STX4: variants seen among roughly 807,000 people sequenced by gnomAD.
STX4 encodes syntaxin-4.
STX4 carries 24 observed loss-of-function variants against 41.8 expected under a neutral mutation model. The ratio of observed to expected loss-of-function variants is 0.57; its 90% CI spans 0.42 to 0.81. The LOEUF (loss-of-function observed/expected upper bound fraction) is 0.81. Among genes scored for constraint, STX4 ranks in the 30% least tolerant of loss-of-function variants. The pLI, the probability that STX4 is intolerant of heterozygous loss-of-function variation, is 0.00. For missense variants in STX4, 316 were observed against 389.9 expected (o/e 0.81, Z 1.60); for synonymous variants, 158 against 156.4 (o/e 1.01, Z -0.08).
At chr16:31,034,889 T>G in intron 4 of STX4, 81 bp from the exon 5 acceptor site, 4 of 1,266,122 alleles carry the variant, frequency 3.2e-6, no homozygotes, top group Non-Finnish European at 4.4e-6. Flanking sequence ...AGGCTCAGCC[T>G]TAGTCATTTT....
intron 5 of STX4, among the ~76,000 whole-genome samples, chr16:31,036,753 C>T (rs1021507650): frequency 7.9e-5 from 12 of 152,086 alleles, no homozygotes; most frequent in African/African-American, 2.9e-4. Context: ...AAGGTAACAT[C>T]TGAACAAGAG....
rs530750662 is a variant in STX4 at position 31,036,702 on chromosome 16, T to C, written c.379-1224T>C. 6.6e-5 allele frequency among the ~76,000 whole-genome samples: 10 copies of C among 151,516 alleles called. No individual in the cohort carries two copies. The South Asian group carries it at 2.1e-3, about 32-fold the overall frequency. ...GAGGGACTAAGCATGCTGGAGGAGG[T>C]AGAGTTGCAGTTGAAAGCAGGTGGA... On this transcript the variant is annotated intron_variant, in intron 5 of 10. Coordinates refer to ENST00000313843, the MANE Select transcript of STX4 (RefSeq NM_004604.5).
Position 31,034,458 on chromosome 16 carries a change from T to C in STX4, c.233-4T>C. The C allele has an allele frequency of 6.2e-7, 1 of 1,601,870 alleles. No homozygotes were observed. Among genetic ancestry groups the C allele is most frequent in the Non-Finnish European group, 8.5e-7 (1 of 1,172,442 alleles). ...TTTGGGAGTCTTGGCCTTCTCTTAT[T>C]CAGGCATGAAGCAGGAGCTGCAGAA... On this transcript the variant is annotated splice_polypyrimidine_tract_variant and splice_region_variant and intron_variant, in intron 3 of 10. Transcript: ENST00000313843.
intron 5 of STX4, 118 bp from the exon 6 acceptor site, chr16:31,037,808 A>G: frequency 1.0e-6 from 1 of 952,414 alleles, no homozygotes; most frequent in Non-Finnish European, 1.6e-6. Flanking sequence ...AAGGTGGTTA[A>G]GGTGGCAGAT....
chr16:31,033,973 C>G lies in STX4; in HGVS notation c.31-40C>G, dbSNP rs1192478565. The stretch of plus-strand genomic sequence containing the variant: ...CCTGTGGGTCCTGCGGGGTAAGAGC[C>G]GCAGCGAAACGGTGGTGCCAATGAC... On this transcript the variant is annotated intron_variant, in intron 1 of 10. Coordinates refer to ENST00000313843, the MANE Select transcript of STX4 (RefSeq NM_004604.5). This position sits in a 1 kb window ranked among gnomAD's most constrained non-coding sequence, Gnocchi z 5.5. 1 of 1,525,120 alleles carries G rather than the reference C, an allele frequency of 6.6e-7. No homozygotes were observed. The highest frequency in any genetic ancestry group is 8.8e-7 in the Non-Finnish European group (1 of 1,133,056). 94.5% of individuals were successfully genotyped at this position (1,525,120 alleles called of 1,614,324 possible).
Position 31,033,588 on chromosome 16 carries a change from A to G in STX4, c.-218A>G. On this transcript the variant is annotated 5_prime_UTR_variant, in exon 1 of 11. Coordinates refer to ENST00000313843, the MANE Select transcript of STX4 (RefSeq NM_004604.5). This position sits in a 1 kb window ranked among gnomAD's most constrained non-coding sequence, Gnocchi z 5.5. ...GGCTGCGGGAGCTGGAGCGGGGAAGAAAAGGGAATTCCAACCTGTGGAACC... is the reference window on the plus strand; with the variant it reads ...GGCTGCGGGAGCTGGAGCGGGGAAGGAAAGGGAATTCCAACCTGTGGAACC... 6.5e-7 allele frequency: 1 copy of G among 1,528,770 alleles called. No homozygotes were observed. The highest frequency in any genetic ancestry group is 8.8e-7 in the Non-Finnish European group (1 of 1,135,944). 94.7% of individuals were successfully genotyped at this position (1,528,770 alleles called of 1,614,324 possible). A position where few individuals can be genotyped will look rare whatever the true frequency, so the allele number is the denominator to read the frequency against.
chr16:31,034,672 C>G (rs927621809), intron 4 of STX4, 136 bp downstream of exon 4: 1 of 1,034,602 alleles, frequency 9.7e-7, no homozygotes, highest in African/African-American at 1.6e-5. Flanking sequence ...CATCTGTCTC[C>G]TGGCCTCCAG....
chr16:31,038,103 T>A lies in STX4; in HGVS notation c.488-11T>A, dbSNP rs759906042. Reference sequence around the variant, plus strand: ...CCAACCCAACCCTGAGCCTGGCCTTTTCCTTCACAGCCAATGCTGGGATGG... The same window carrying A: ...CCAACCCAACCCTGAGCCTGGCCTTATCCTTCACAGCCAATGCTGGGATGG... On this transcript the variant is annotated splice_polypyrimidine_tract_variant and intron_variant, in intron 6 of 10. Transcript: ENST00000313843. 3 of 1,614,196 alleles carry A rather than the reference T, an allele frequency of 1.9e-6. No homozygotes were observed. The highest frequency in any genetic ancestry group is 2.5e-6 in the Non-Finnish European group (3 of 1,180,026).
rs146298882 is a variant in STX4 at position 31,034,072 on chromosome 16, C to T, written c.90C>T (p.Gly30=). 217 of 1,610,194 alleles carry T rather than the reference C, an allele frequency of 1.3e-4. No individual in the cohort carries two copies. The African/African-American group carries it at 2.5e-3, about 18-fold the overall frequency. The part of the protein sequence containing the change: ...KERVALVVHP[G]TARLGSPDEE... ...GGGTCGCGCTGGTGGTGCACCCGGGCACGGCACGGCTGGGGAGCCCGGACG... is the reference window on the plus strand; with the variant it reads ...GGGTCGCGCTGGTGGTGCACCCGGGTACGGCACGGCTGGGGAGCCCGGACG... The change falls in exon 2 of 11, where the codon GGC becomes GGT. Residue 30 remains glycine (G), a synonymous_variant. Transcript: ENST00000313843.
intron 5 of STX4, 81 bp downstream of exon 5, chr16:31,035,121 C>A: frequency 8.8e-7 from 1 of 1,138,744 alleles, no homozygotes; most frequent in Non-Finnish European, 1.2e-6. Context: ...GAAGGAAGGG[C>A]CTGCAGAGAT....
chr16:31,038,539 G>A lies in STX4; in HGVS notation c.594G>A (p.Gln198=), dbSNP rs1161462652. The part of the protein sequence containing the change: ...NILKDTQVTR[Q]ALNEISARHS... Reference sequence around the variant, plus strand: ...TGAAGGACACGCAGGTGACTCGACAGGCCTTAAATGAGATCTCGGCCCGGC... The same window carrying A: ...TGAAGGACACGCAGGTGACTCGACAAGCCTTAAATGAGATCTCGGCCCGGC... Residue 198 remains glutamine, a synonymous_variant, in exon 8 of 11, where the codon CAG becomes CAA. Coordinates refer to ENST00000313843, the MANE Select transcript of STX4 (RefSeq NM_004604.5). 4.3e-6 allele frequency: 7 copies of A among 1,614,146 alleles called. No homozygotes were observed. Among genetic ancestry groups the A allele is most frequent in the Non-Finnish European group, 5.9e-6 (7 of 1,180,030 alleles).
In STX4 at chr16:31,034,550, A is replaced by C; in HGVS notation, c.307+14A>C. The C allele has an allele frequency of 1.9e-6, 3 of 1,566,032 alleles. No individual in the cohort carries two copies. Among genetic ancestry groups the C allele is most frequent in the Non-Finnish European group, 2.6e-6 (3 of 1,156,070 alleles). On this transcript the variant is annotated intron_variant, in intron 4 of 10. Transcript: ENST00000313843. ...TGCAGCTGAAGGGTGAGCTCCTGGGACCTCAGACAGATCCTTCCCTCTGAT... is the reference window on the plus strand; with the variant it reads ...TGCAGCTGAAGGGTGAGCTCCTGGGCCCTCAGACAGATCCTTCCCTCTGAT...
At position 31,039,507 on chromosome 16, in the gene STX4, C is replaced by G; in HGVS notation, c.703-34C>G. 6.2e-7 allele frequency: 1 copy of G among 1,603,804 alleles called. No homozygotes were observed. The highest frequency in any genetic ancestry group is 8.5e-7 in the Non-Finnish European group (1 of 1,172,234). ...CTGGGGTGGGGTGGGCAAAGGCATC[C>G]TTACCTCCCTGAACCACCCCATCCT... On this transcript the variant is annotated intron_variant, in intron 8 of 10. Transcript: ENST00000313843. The surrounding 1 kb of genome is among the most constrained non-coding windows in gnomAD (Gnocchi z 4.1).
chr16:31,034,578 T>C, intron 4 of STX4, 42 bp downstream of exon 4: 2 of 1,512,124 alleles, frequency 1.3e-6, no homozygotes, highest in Non-Finnish European at 1.8e-6. Context: ...CCTCTGATCC[T>C]GCCCTGTTGT....
intron 8 of STX4, 47 bp downstream of exon 8, chr16:31,038,694 A>G (rs766472841): frequency 6.2e-7 from 1 of 1,603,044 alleles, no homozygotes; most frequent in Non-Finnish European, 8.5e-7. Context: ...CTCAGTCCAA[A>G]CTGCCAGCCT....
chr16:31,036,100 G>A (rs1424729496), intron 5 of STX4, among the ~76,000 whole-genome samples: 1 of 152,066 alleles, frequency 6.6e-6, no homozygotes, highest in Admixed American at 6.6e-5. Flanking sequence ...ATCTTAGTAA[G>A]GAGATTTGCA....
At chr16:31,035,789 A>G in intron 5 of STX4, 1 of 151,754 alleles carries the variant, frequency 6.6e-6, no homozygotes, top group Admixed American at 6.6e-5. Flanking sequence ...TTTAATTATT[A>G]TTATTTTTTT....
In STX4 at chr16:31,033,568, C is replaced by T. The variant is rs761356679; in HGVS notation, c.-238C>T. ...TCACGGAGGGGCGGGGCTGAGGCTG[C>T]GGGAGCTGGAGCGGGGAAGAAAAGG... On this transcript the variant is annotated 5_prime_UTR_variant, in exon 1 of 11. Coordinates refer to ENST00000313843, the MANE Select transcript of STX4 (RefSeq NM_004604.5). This position sits in a 1 kb window ranked among gnomAD's most constrained non-coding sequence, Gnocchi z 5.5. The T allele has an allele frequency of 1.2e-5, 18 of 1,542,912 alleles. No individual in the cohort carries two copies. Among genetic ancestry groups the T allele is most frequent in the Admixed American group, 2.0e-5 (1 of 50,390 alleles).
rs111233739 is a variant in STX4, at chr16:31,038,460, T to C, written c.565-50T>C. The C allele has an allele frequency of 4.3e-5, 69 of 1,605,458 alleles. 1 individual carries two copies. The African/African-American group carries it at 4.5e-4, about 11-fold the overall frequency. On this transcript the variant is annotated intron_variant, in intron 7 of 10. Coordinates refer to ENST00000313843, the MANE Select transcript of STX4 (RefSeq NM_004604.5). Reference sequence around the variant, plus strand: ...AGAAGCTCAACAGGAGTTTCTGACCTGCTGTCGGTCTCCCTGTGAACAGTT... The same window carrying C: ...AGAAGCTCAACAGGAGTTTCTGACCCGCTGTCGGTCTCCCTGTGAACAGTT...
Sources: allele counts gnomAD v4.1 joint callset (sites outside exome capture counted in the v4.1 genomes callset), GRCh38; gene constraint gnomAD v4.1.1; non-coding constraint Gnocchi (gnomAD v3.1); transcripts MANE v1.5; gene names NCBI Gene and HGNC (gene_info 2026-07-23, HGNC 2026-07-21).